The following SSH2 variants were observed in gnomAD, a reference collection of about 807,000 sequenced individuals.
SSH2 encodes the protein slingshot protein phosphatase 2, also known as protein phosphatase Slingshot homolog 2.
A neutral mutation model predicts 135.2 loss-of-function variants in SSH2; 37 were observed. The observed-to-expected ratio is 0.27, with a 90% CI of 0.21 to 0.36. The LOEUF (loss-of-function observed/expected upper bound fraction) is 0.36. Among genes scored for constraint, SSH2 ranks in the 10% least tolerant of loss-of-function variants. The pLI, the probability that SSH2 is intolerant of heterozygous loss-of-function variation, is 1.00. For missense variants in SSH2, 1,408 were observed against 1,765.3 expected, an observed-to-expected ratio of 0.80 and a Z score of 3.63; for synonymous variants, 628 against 646.2, an observed-to-expected ratio of 0.97 and a Z score of 0.43.
intron 3 of SSH2, among the ~76,000 whole-genome samples, chr17:29,729,868 A>G (rs2151184450): frequency 6.6e-6 from 1 of 152,324 alleles, no homozygotes; most frequent in Non-Finnish European, 1.5e-5. Flanking sequence ...GAGTAGAATG[A>G]TGGTTACCAG....
chr17:29,901,566 T>C (rs1207121168), intron 1 of SSH2, among the ~76,000 whole-genome samples: 4 of 152,174 alleles, frequency 2.6e-5, no homozygotes, highest in Admixed American at 2.6e-4. Context: ...AACCATCCCA[T>C]TTCACAGACG....
chr17:29,805,151 A>ATAT (rs747704439), intron 2 of SSH2, among the ~76,000 whole-genome samples: 17 of 148,818 alleles, frequency 1.1e-4, no homozygotes, highest in South Asian at 2.1e-4. Flanking sequence ...ATTATTATTA[A>ATAT]TATTATTATT....
At chr17:29,756,878 A>C (rs2041146800) in intron 3 of SSH2, among the ~76,000 whole-genome samples, 1 of 151,446 alleles carries the variant, frequency 6.6e-6, no homozygotes, top group African/African-American at 2.4e-5. Context: ...GCTGGTCTCG[A>C]ACTCCTGACC....
chr17:29,917,729 C>T (rs1472463690), intron 1 of SSH2, among the ~76,000 whole-genome samples: 1 of 152,114 alleles, frequency 6.6e-6, no homozygotes, highest in African/African-American at 2.4e-5. Flanking sequence ...GTGGCGGATG[C>T]CTGTAATACC....
intron 2 of SSH2, among the ~76,000 whole-genome samples, chr17:29,839,498 A>T (rs1348963133): frequency 6.6e-6 from 1 of 152,230 alleles, no homozygotes; most frequent in African/African-American, 2.4e-5. Context: ...ATAACAGTGT[A>T]TCTTTACAAT....
Position 29,706,033 on chromosome 17 carries a change from C to T in SSH2, c.189-2971G>A, listed in dbSNP as rs746983452. ...GCAGCACTGGAAATAGTCTAAGGCA[C>T]GTATTAGCTGCTTGAACAATAGGTG... On this transcript the variant is annotated intron_variant, in intron 3 of 15. Transcript: ENST00000540801. Among the ~76,000 whole-genome samples, 20 of 152,284 alleles carry T rather than the reference C, an allele frequency of 1.3e-4. No individual in the cohort carries two copies. The South Asian group carries it at 2.1e-3, about 16-fold the overall frequency.
At chr17:29,819,735 C>G (rs1415576990) in intron 2 of SSH2, among the ~76,000 whole-genome samples, 1 of 152,112 alleles carries the variant, frequency 6.6e-6, no homozygotes, top group Non-Finnish European at 1.5e-5. Flanking sequence ...TTCCAATTTT[C>G]CTATGTTTAA....
In SSH2 at chr17:29,627,891, T is replaced by G. The variant is rs2150952630; in HGVS notation, c.*2950A>C. 1.3e-5 allele frequency: 2 copies of G among 151,992 alleles called. No individual in the cohort carries two copies. Among genetic ancestry groups the G allele is most frequent in the Non-Finnish European group, 2.9e-5 (2 of 67,980 alleles). The allele number at this position is 151,992 out of a possible 1,614,324, so 9.4% of individuals were successfully genotyped here. ...CATATGTGTACACATGCACATACAC[T>G]CCTCCAAAATAAGTGAGAGTCTATG... On this transcript the variant is annotated 3_prime_UTR_variant, in exon 16 of 16. Coordinates refer to ENST00000540801, the MANE Select transcript of SSH2 (RefSeq NM_001282129.2).
chr17:29,732,151 T>A (rs547226328), intron 3 of SSH2, among the ~76,000 whole-genome samples: 1 of 152,340 alleles, frequency 6.6e-6, no homozygotes, highest in South Asian at 2.1e-4. Flanking sequence ...CCTCTCTGCA[T>A]CTGAGTTTCT....
At chr17:29,916,469 CTTT>C (rs60472572) in intron 1 of SSH2, among the ~76,000 whole-genome samples, 6 of 139,762 alleles carry the variant, frequency 4.3e-5, no homozygotes, top group Non-Finnish European at 6.3e-5. Context: ...TTTTTTCTTT[CTTT>C]TTTTTTTTTT....
chr17:29,736,730 T>G (rs928754090), intron 3 of SSH2, among the ~76,000 whole-genome samples: 11 of 125,428 alleles, frequency 8.8e-5, no homozygotes, highest in Admixed American at 2.1e-4. Flanking sequence ...GAGGTTGCAG[T>G]GAGCCAAGAT....
intron 13 of SSH2, among the ~76,000 whole-genome samples, chr17:29,649,228 C>CA (rs2036498636): frequency 6.6e-6 from 1 of 152,080 alleles, no homozygotes; most frequent in South Asian, 2.1e-4. Context: ...TTCATGCTTG[C>CA]AAAAGCCTGA....
intron 1 of SSH2, among the ~76,000 whole-genome samples, chr17:29,890,687 T>C (rs903084807): frequency 5.9e-5 from 9 of 152,154 alleles, no homozygotes; most frequent in Admixed American, 5.2e-4. Context: ...GATGAAAATT[T>C]TCAAAAACTG....
At chr17:29,776,432 A>G (rs939172010) in intron 3 of SSH2, 3 of 152,230 alleles carry the variant, frequency 2.0e-5, no homozygotes, top group Non-Finnish European at 4.4e-5. Context: ...GTTTCCAAGT[A>G]AAGCCACCAC....
At chr17:29,762,706 A>G (rs1243473790) in intron 3 of SSH2, among the ~76,000 whole-genome samples, 1 of 152,174 alleles carries the variant, frequency 6.6e-6, no homozygotes, top group Non-Finnish European at 1.5e-5. Flanking sequence ...TTTGTAAAAT[A>G]TGACTGCGCT....
intron 3 of SSH2, among the ~76,000 whole-genome samples, chr17:29,717,786 G>T (rs1474452392): frequency 6.6e-6 from 1 of 152,202 alleles, no homozygotes; most frequent in East Asian, 1.9e-4. Flanking sequence ...TGTAATCCCA[G>T]CTACTCTGGA....
rs116420143 is a variant in SSH2, at chr17:29,888,562, G to A, written c.64-39633C>T. On this transcript the variant is annotated intron_variant, in intron 1 of 15. Transcript: ENST00000540801. ...AAGCAAAAACCTAGTAATTTTTATA[G>A]ACCAAATATTTTGATGGTTTATATT... 4.5e-3 allele frequency among the ~76,000 whole-genome samples: 686 copies of A among 152,178 alleles called. 5 individuals carry two copies. The highest frequency in any genetic ancestry group is 0.016 in the African/African-American group (664 of 41,516).
intron 11 of SSH2, among the ~76,000 whole-genome samples, chr17:29,665,110 G>C (rs2037217928): frequency 6.6e-6 from 1 of 152,128 alleles, no homozygotes. Flanking sequence ...GGGCCCCATA[G>C]AACGAGTGAC....
At chr17:29,894,876 GC>G (rs1411881560) in intron 1 of SSH2, among the ~76,000 whole-genome samples, 2 of 77,742 alleles carry the variant, frequency 2.6e-5, no homozygotes, top group Non-Finnish European at 5.5e-5. Flanking sequence ...CTCCACCCCC[GC>G]CCCCCCAATA....
Sources: gnomAD v4.1 joint callset for allele counts (sites outside exome capture counted in the v4.1 genomes callset) on GRCh38, gnomAD v4.1.1 for gene constraint, MANE v1.5 for transcripts, NCBI Gene and HGNC (gene_info 2026-07-23, HGNC 2026-07-21) for gene names.